The following LEF1 variants were observed in gnomAD, a reference collection of about 807,000 sequenced individuals.
LEF1 encodes lymphoid enhancer binding factor 1.
LEF1 carries 14 observed loss-of-function variants against 51.2 expected under a neutral mutation model. The observed-to-expected ratio is 0.27, with a 90% CI of 0.18 to 0.43. The LOEUF is 0.43. Among genes scored for constraint, LEF1 ranks in the 20% least tolerant of loss-of-function variants. The pLI is 1.00. For missense variants in LEF1, 386 were observed against 512.0 expected, an observed-to-expected ratio of 0.75 and a Z score of 2.37; for synonymous variants, 185 against 183.2, an observed-to-expected ratio of 1.01 and a Z score of -0.08.
intron 3 of LEF1, among the ~76,000 whole-genome samples, chr4:108,149,458 C>CAAAAAAAAAAAAAAAAAAAAAAAAA (rs371482539): frequency 5.0e-5 from 3 of 60,584 alleles, no homozygotes; most frequent in African/African-American, 2.2e-4. Context: ...GACTCCGTCT[C>CAAAAAAAAAAAAAAAAAAAAAAAAA]AAAAAAAAAA....
At chr4:108,135,247 T>C (rs576493313) in intron 3 of LEF1, among the ~76,000 whole-genome samples, 51 of 152,308 alleles carry the variant, frequency 3.3e-4, no homozygotes, top group African/African-American at 1.2e-3. Flanking sequence ...ACCACTCCTA[T>C]CCTGTGGGGG....
chr4:108,156,165 C>T (rs993282665), intron 3 of LEF1, among the ~76,000 whole-genome samples: 5 of 152,296 alleles, frequency 3.3e-5, no homozygotes, highest in African/African-American at 9.6e-5. Flanking sequence ...GTTTTATCAT[C>T]TCCATTTCTT....
chr4:108,073,959 G>A (rs938421199), intron 8 of LEF1, among the ~76,000 whole-genome samples: 1 of 151,928 alleles, frequency 6.6e-6, no homozygotes, highest in African/African-American at 2.4e-5. Context: ...CCTAGTAGCT[G>A]GGACGACAGG....
chr4:108,124,670 T>C (rs1742408000), intron 3 of LEF1, among the ~76,000 whole-genome samples: 1 of 152,098 alleles, frequency 6.6e-6, no homozygotes, highest in Admixed American at 6.6e-5. Flanking sequence ...GCCCGGAACA[T>C]GAACATTGCT....
intron 4 of LEF1, among the ~76,000 whole-genome samples, chr4:108,086,282 G>C (rs1560779051): frequency 1.3e-5 from 2 of 151,868 alleles, no homozygotes; most frequent in Non-Finnish European, 2.9e-5. Flanking sequence ...AGCTGAGGGG[G>C]TCTCACTCTG....
At chr4:108,115,620 G>T (rs1741785404) in intron 3 of LEF1, among the ~76,000 whole-genome samples, 1 of 152,184 alleles carries the variant, frequency 6.6e-6, no homozygotes, top group African/African-American at 2.4e-5. Context: ...TAAGATAGTT[G>T]TGTAGCTGCT....
intron 3 of LEF1, among the ~76,000 whole-genome samples, chr4:108,103,584 A>G (rs772646986): frequency 3.3e-5 from 5 of 152,206 alleles, no homozygotes; most frequent in Non-Finnish European, 7.3e-5. Flanking sequence ...AACTGATTTC[A>G]CCGGAATTTG....
intron 11 of LEF1, among the ~76,000 whole-genome samples, chr4:108,063,160 T>C (rs1404082893): frequency 6.6e-6 from 1 of 152,158 alleles, no homozygotes; most frequent in East Asian, 1.9e-4. Context: ...AACAAATACA[T>C]TACTTTTGAG....
chr4:108,151,868 A>C (rs1057509308), intron 3 of LEF1, among the ~76,000 whole-genome samples: 1 of 152,198 alleles, frequency 6.6e-6, no homozygotes, highest in African/African-American at 2.4e-5. Flanking sequence ...ATACGGATTG[A>C]TACCTGGTGT....
At chr4:108,121,142 T>TTAACAA (rs1223611311) in intron 3 of LEF1, among the ~76,000 whole-genome samples, 2 of 152,254 alleles carry the variant, frequency 1.3e-5, no homozygotes, top group East Asian at 3.8e-4. Flanking sequence ...ACAAAATTAA[T>TTAACAA]AACTTCTACT....
chr4:108,164,981 G>T, intron 2 of LEF1, 116 bp downstream of exon 2: 1 of 760,134 alleles, frequency 1.3e-6, no homozygotes, highest in South Asian at 1.7e-5. Context: ...TTAAAATAGT[G>T]GGCATAGTCT....
intron 4 of LEF1, among the ~76,000 whole-genome samples, chr4:108,084,334 G>T (rs1293861148): frequency 2.0e-5 from 3 of 152,138 alleles, no homozygotes; most frequent in Non-Finnish European, 4.4e-5. Flanking sequence ...GCTAATGATG[G>T]CTTTAAAAGA....
chr4:108,149,255 C>G (rs962062940), intron 3 of LEF1, among the ~76,000 whole-genome samples: 2 of 150,658 alleles, frequency 1.3e-5, no homozygotes, highest in East Asian at 1.9e-4. Flanking sequence ...GTCAGGAGAT[C>G]GAGACCATCC....
chr4:108,120,016 T>C (rs1446548913), intron 3 of LEF1, among the ~76,000 whole-genome samples: 1 of 151,618 alleles, frequency 6.6e-6, no homozygotes, highest in African/African-American at 2.4e-5. Context: ...TGTGTGTGTG[T>C]GTGTGTGTGT....
chr4:108,102,045 A>G (rs1038527715), intron 3 of LEF1, among the ~76,000 whole-genome samples: 1 of 151,426 alleles, frequency 6.6e-6, no homozygotes, highest in Non-Finnish European at 1.5e-5. Context: ...CCTGGGCAAC[A>G]AGAGTGAAAC....
At chr4:108,138,740 G>A (rs1743458952) in intron 3 of LEF1, among the ~76,000 whole-genome samples, 1 of 152,234 alleles carries the variant, frequency 6.6e-6, no homozygotes, top group Admixed American at 6.5e-5. Context: ...CTGCCTATAT[G>A]AGAATAGAAG....
At chr4:108,051,707 G>A (rs368519987) in intron 11 of LEF1, among the ~76,000 whole-genome samples, 6 of 152,216 alleles carry the variant, frequency 3.9e-5, no homozygotes, top group Admixed American at 6.5e-5. Flanking sequence ...ATGCAAAGGC[G>A]GCACAAGACC....
intron 8 of LEF1, among the ~76,000 whole-genome samples, chr4:108,075,792 G>A (rs1738816906): frequency 6.6e-6 from 1 of 152,122 alleles, no homozygotes; most frequent in Admixed American, 6.5e-5. Context: ...CAGGGGCTCA[G>A]AAAAATATCA....
intron 3 of LEF1, among the ~76,000 whole-genome samples, chr4:108,153,100 T>C (rs377428616): frequency 6.6e-6 from 1 of 152,214 alleles, no homozygotes; most frequent in South Asian, 2.1e-4. Context: ...GCAGTGGCTG[T>C]AGCCCTTTTC....
Sources: allele counts gnomAD v4.1 joint callset (sites outside exome capture counted in the v4.1 genomes callset), GRCh38; gene constraint gnomAD v4.1.1; transcripts MANE v1.5; gene names NCBI Gene and HGNC (gene_info 2026-07-23, HGNC 2026-07-21).